Variants in RBFOX1 observed in about 807,000 individuals in gnomAD.
The protein encoded by RBFOX1 is RNA binding fox-1 homolog 1.
In RBFOX1, 8 loss-of-function variants were observed where a neutral mutation model predicts 57.7. The ratio of observed to expected loss-of-function variants is 0.14; its 90% CI spans 0.08 to 0.25. RBFOX1 has a LOEUF of 0.25. Among genes scored for constraint, RBFOX1 ranks in the 10% least tolerant of loss-of-function variants. RBFOX1 has a pLI of 1.00. For synonymous variants in RBFOX1, 326 were observed against 222.4 expected (o/e 1.47, Z -4.15); for missense variants, 611 against 548.5 (o/e 1.11, Z -1.14).
At chr16:6,803,251 G>A (rs751592866) in intron 3 of RBFOX1, among the ~76,000 whole-genome samples, 2 of 151,984 alleles carry the variant, frequency 1.3e-5, no homozygotes, top group African/African-American at 2.4e-5. Context: ...TTAGCTTTCT[G>A]CATGAAAGTG....
At chr16:7,218,662 G>GC (rs2092461914) in intron 4 of RBFOX1, among the ~76,000 whole-genome samples, 1 of 151,272 alleles carries the variant, frequency 6.6e-6, no homozygotes, top group Non-Finnish European at 1.5e-5. Context: ...GTGTGTGTGT[G>GC]TGTGTGTGTG....
chr16:7,442,290 C>T, intron 4 of RBFOX1, among the ~76,000 whole-genome samples: 1 of 152,156 alleles, frequency 6.6e-6, no homozygotes, highest in East Asian at 1.9e-4. Flanking sequence ...TTCTGGATTC[C>T]CTCCTCTGCC....
chr16:7,088,968 C>T (rs573548960), intron 4 of RBFOX1, among the ~76,000 whole-genome samples: 1 of 152,180 alleles, frequency 6.6e-6, no homozygotes, highest in East Asian at 1.9e-4. Flanking sequence ...ACTCTCTTTG[C>T]TGTAAAGGAA....
intron 4 of RBFOX1, among the ~76,000 whole-genome samples, chr16:5,902,730 A>T (rs1476869607): frequency 2.6e-5 from 4 of 152,134 alleles, no homozygotes; most frequent in Admixed American, 6.5e-5. Context: ...TTAATCATAG[A>T]GGACAAGAAG....
intron 4 of RBFOX1, among the ~76,000 whole-genome samples, chr16:7,162,942 A>G (rs2078675585): frequency 6.6e-6 from 1 of 152,136 alleles, no homozygotes; most frequent in Non-Finnish European, 1.5e-5. Context: ...CGTTTTGGCC[A>G]TCACCTGACC....
At chr16:6,902,180 C>T (rs980924814) in intron 3 of RBFOX1, among the ~76,000 whole-genome samples, 7 of 152,104 alleles carry the variant, frequency 4.6e-5, no homozygotes, top group African/African-American at 1.2e-4. Flanking sequence ...CATTGTTCTA[C>T]CTCATGTGGT....
At chr16:6,956,219 A>G (rs543063160) in intron 3 of RBFOX1, among the ~76,000 whole-genome samples, 88 of 152,320 alleles carry the variant, frequency 5.8e-4, no homozygotes, top group South Asian at 2.3e-3. Context: ...GAGATCGTGC[A>G]GAGAGGCAGA....
downstream of RBFOX1, among the ~76,000 whole-genome samples, chr16:5,600,321 A>C (rs28500632): frequency 2.0e-5 from 3 of 151,192 alleles, no homozygotes; most frequent in Admixed American, 2.0e-4. Flanking sequence ...AAAAATAAAA[A>C]AAAAACAAAA....
chr16:7,595,362 A>T lies in RBFOX1; in HGVS notation c.469-187A>T, dbSNP rs549393574. ...TTACAGCTAACTGGTGACAGAAAAA[A>T]ATATCTTGTTCACATTTGTCGCTTA... is the stretch of plus-strand genomic sequence containing the variant. On this transcript the variant is annotated intron_variant, in intron 7 of 15. Coordinates refer to ENST00000550418, the MANE Select transcript of RBFOX1 (RefSeq NM_018723.4). Among the ~76,000 whole-genome samples, 10 of 152,332 alleles carry T rather than the reference A, an allele frequency of 6.6e-5. 1 individual carries two copies. The South Asian group carries it at 2.1e-3, about 32-fold the overall frequency.
chr16:5,302,001 C>T (rs1288987056), intron 1 of RBFOX1, among the ~76,000 whole-genome samples: 1 of 151,622 alleles, frequency 6.6e-6, no homozygotes, highest in Non-Finnish European at 1.5e-5. Flanking sequence ...GCTTCATTTG[C>T]TCCTCTTTAG....
At chr16:7,060,823 A>G (rs1317679518) in intron 4 of RBFOX1, among the ~76,000 whole-genome samples, 1 of 152,104 alleles carries the variant, frequency 6.6e-6, no homozygotes, top group African/African-American at 2.4e-5. Flanking sequence ...CCCTCTCTGG[A>G]TTGTTCTGTC....
intron 13 of RBFOX1, 131 bp from the exon 14 acceptor site, chr16:7,676,643 C>T: frequency 1.3e-6 from 1 of 774,110 alleles, no homozygotes; most frequent in Non-Finnish European, 2.2e-6. Flanking sequence ...CGCTTTGATA[C>T]TAAGCTTTCA....
chr16:5,322,569 G>A (rs1482170653), intron 1 of RBFOX1, among the ~76,000 whole-genome samples: 1 of 152,154 alleles, frequency 6.6e-6, no homozygotes, highest in Non-Finnish European at 1.5e-5. Flanking sequence ...TTGAACTGAT[G>A]TAGGTGTGAG....
At chr16:6,517,784 G>A (rs3095261) in intron 2 of RBFOX1, among the ~76,000 whole-genome samples, 63,878 of 151,988 alleles carry the variant, frequency 0.42, 16,400 homozygotes, top group East Asian at 0.58. Context: ...TTTCCAAGTT[G>A]TAAAATATTT....
At chr16:7,448,717 C>T (rs184990247) in intron 4 of RBFOX1, among the ~76,000 whole-genome samples, 1 of 152,152 alleles carries the variant, frequency 6.6e-6, no homozygotes, top group Non-Finnish European at 1.5e-5. Flanking sequence ...TGATCCTTAG[C>T]TTGTGGCTGC....
intron 4 of RBFOX1, among the ~76,000 whole-genome samples, chr16:7,471,711 T>A (rs557741571): frequency 7.9e-5 from 12 of 152,262 alleles, no homozygotes; most frequent in Non-Finnish European, 1.3e-4. Flanking sequence ...TTCTGTCCAT[T>A]TTCTTGCCCT....
intron 3 of RBFOX1, among the ~76,000 whole-genome samples, chr16:7,051,588 A>T (rs1317286053): frequency 6.6e-6 from 1 of 152,230 alleles, no homozygotes; most frequent in Non-Finnish European, 1.5e-5. Flanking sequence ...CATAAAATGT[A>T]ACCCAGTTGC....
At chr16:6,866,541 A>G (rs373418297) in intron 3 of RBFOX1, among the ~76,000 whole-genome samples, 1 of 78,886 alleles carries the variant, frequency 1.3e-5, no homozygotes. Flanking sequence ...CTTTCCTTCT[A>G]TTTTTTTTTT....
At chr16:5,669,241 A>T (rs975976979) in intron 3 of RBFOX1, among the ~76,000 whole-genome samples, 2 of 151,440 alleles carry the variant, frequency 1.3e-5, no homozygotes, top group Non-Finnish European at 2.9e-5. Context: ...TTTTTGTTTT[A>T]TTTGCTTGGT....
Sources: gnomAD v4.1 joint callset for allele counts (sites outside exome capture counted in the v4.1 genomes callset) on GRCh38, gnomAD v4.1.1 for gene constraint, MANE v1.5 for transcripts, NCBI Gene and HGNC (gene_info 2026-07-23, HGNC 2026-07-21) for gene names.